Variants in UBR2 observed in about 807,000 individuals in gnomAD.
UBR2 encodes ubiquitin protein ligase E3 component n-recognin 2.
Under a neutral mutation model 247.9 loss-of-function variants are expected in UBR2, and 92 were observed. The observed-to-expected ratio is 0.37, with a 90% CI of 0.31 to 0.44. The LOEUF (loss-of-function observed/expected upper bound fraction) is 0.44, where lower values mean the gene tolerates loss of function less well. Ranked by LOEUF, UBR2 falls within the 20% of genes least tolerant of loss-of-function variation. The pLI, the probability that UBR2 is intolerant of heterozygous loss-of-function variation, is 1.00. For missense variants in UBR2, 1,613 were observed against 2,112.6 expected (o/e 0.76, Z 4.64); for synonymous variants, 672 against 693.5 (o/e 0.97, Z 0.49).
In UBR2 at chr6:42,631,437, G is replaced by A. The variant is rs370369229; in HGVS notation, c.1282-1115G>A. ...TGTAGGTAGAAAGAGAAATTGTTGA[G>A]CCTCTTTGTGGAAACAATTTGGTGA... On this transcript the variant is annotated intron_variant, in intron 11 of 46. Transcript: ENST00000372901. Among the ~76,000 whole-genome samples, 9 of 152,266 alleles carry A rather than the reference G, an allele frequency of 5.9e-5. No individual in the cohort carries two copies. The East Asian group carries it at 1.5e-3, about 26-fold the overall frequency.
intron 42 of UBR2, 81 bp from the exon 43 acceptor site, chr6:42,682,974 T>C: frequency 8.6e-7 from 1 of 1,165,080 alleles, no homozygotes; most frequent in South Asian, 1.4e-5. Context: ...ATTTTCCTCT[T>C]ATTGGCTATG....
intron 30 of UBR2, among the ~76,000 whole-genome samples, chr6:42,660,920 T>C (rs1000332504): frequency 6.6e-6 from 1 of 151,538 alleles, no homozygotes; most frequent in African/African-American, 2.4e-5. Context: ...TGAGCCGAGA[T>C]TGCACCACTG....
intron 30 of UBR2, among the ~76,000 whole-genome samples, chr6:42,661,813 A>G (rs1387138878): frequency 1.3e-5 from 2 of 152,204 alleles, no homozygotes; most frequent in African/African-American, 2.4e-5. Context: ...CTGAACGCAC[A>G]TAAGGCAGCC....
In UBR2 at chr6:42,684,992, T is replaced by C. The variant is rs1799294872; in HGVS notation, c.4853+121T>C. ...GAGAAATCATATCTGTAGTCCTTTA[T>C]GAGAGGAGAGGGAGAAAAAAGGAAA... On this transcript the variant is annotated intron_variant, in intron 44 of 46. Coordinates refer to ENST00000372901, the MANE Select transcript of UBR2 (RefSeq NM_001363705.2). 3.9e-6 allele frequency: 3 copies of C among 769,290 alleles called. No homozygotes were observed. In the East Asian group the frequency reaches 9.3e-5, roughly 24 times the overall value. 47.7% of individuals were successfully genotyped at this position (769,290 alleles called of 1,614,324 possible).
At chr6:42,655,459 A>AG (rs1485830371) in intron 25 of UBR2, among the ~76,000 whole-genome samples, 162 bp from the exon 26 acceptor site, 1 of 151,952 alleles carries the variant, frequency 6.6e-6, no homozygotes, top group Non-Finnish European at 1.5e-5. Context: ...TCTCAAAAAA[A>AG]AAAAAAAGAA....
rs1794140230 is a variant in UBR2, at chr6:42,612,310, A to T, written c.985+19A>T. ...TATTCAGGTAGGTTCATAAAAGTTC[A>T]TGCCAATTGTCTATTAAAAATGAGC... On this transcript the variant is annotated intron_variant, in intron 8 of 46. Coordinates refer to ENST00000372901, the MANE Select transcript of UBR2 (RefSeq NM_001363705.2). The T allele has an allele frequency of 6.7e-7, 1 of 1,488,048 alleles. No individual in the cohort carries two copies. The highest frequency in any genetic ancestry group is 9.1e-7 in the Non-Finnish European group (1 of 1,096,884). The allele number at this position is 1,488,048 out of a possible 1,614,324, so 92.2% of individuals were successfully genotyped here.
At chr6:42,578,840 G>A (rs1301868839) in intron 2 of UBR2, among the ~76,000 whole-genome samples, 1 of 152,116 alleles carries the variant, frequency 6.6e-6, no homozygotes, top group African/African-American at 2.4e-5. Context: ...GTTCATGCCT[G>A]TAATCCCAGC....
chr6:42,682,777 A>G (rs1348758799), intron 42 of UBR2, among the ~76,000 whole-genome samples: 1 of 152,232 alleles, frequency 6.6e-6, no homozygotes, highest in Non-Finnish European at 1.5e-5. Flanking sequence ...GCATTAATAC[A>G]AATTAATATA....
At position 42,659,552 on chromosome 6, in the gene UBR2, CA is replaced by C; in HGVS notation, c.3243-103del. On this transcript the variant is annotated intron_variant, in intron 29 of 46. Transcript: ENST00000372901. This position sits in a 1 kb window ranked among gnomAD's most constrained non-coding sequence, Gnocchi z 4.3. ...ACACACACACACACACACACACACACACACACACACTACACACACACACACA... is the reference window on the plus strand; with the variant it reads ...ACACACACACACACACACACACACACCACACACACTACACACACACACACA... 1 of 793,074 alleles carries C rather than the reference CA, an allele frequency of 1.3e-6. No individual in the cohort carries two copies. 49.1% of individuals were successfully genotyped at this position (793,074 alleles called of 1,614,324 possible). A position where few individuals can be genotyped will look rare whatever the true frequency, so the allele number is the denominator to read the frequency against.
At chr6:42,676,910 A>G in intron 40 of UBR2, 37 bp downstream of exon 40, 2 of 1,469,022 alleles carry the variant, frequency 1.4e-6, no homozygotes, top group Non-Finnish European at 1.9e-6. Context: ...ATTTCCCTAA[A>G]TATTGCTAGA....
At chr6:42,628,925 T>C (rs1582584271) in intron 11 of UBR2, among the ~76,000 whole-genome samples, 2 of 152,250 alleles carry the variant, frequency 1.3e-5, no homozygotes, top group East Asian at 3.9e-4. Context: ...ATTTTGAATA[T>C]GCTGTTAAAT....
At chr6:42,688,674 G>A (rs959503434) in intron 45 of UBR2, among the ~76,000 whole-genome samples, 1 of 152,142 alleles carries the variant, frequency 6.6e-6, no homozygotes, top group African/African-American at 2.4e-5. Context: ...CTGATTTTCT[G>A]AACAAATCCA....
At chr6:42,682,956 A>G (rs1488682565) in intron 42 of UBR2, 99 bp from the exon 43 acceptor site, 4 of 977,784 alleles carry the variant, frequency 4.1e-6, no homozygotes, top group Non-Finnish European at 6.2e-6. Context: ...TGTTAGGTCA[A>G]GAATATTATT....
chr6:42,689,694 T>A lies in UBR2; in HGVS notation c.5126+24T>A, dbSNP rs745596660. On this transcript the variant is annotated intron_variant, in intron 46 of 46. Coordinates refer to ENST00000372901, the MANE Select transcript of UBR2 (RefSeq NM_001363705.2). This position sits in a 1 kb window ranked among gnomAD's most constrained non-coding sequence, Gnocchi z 4.0. The stretch of plus-strand genomic sequence containing the variant: ...AGGTAAGAACCCATCCTGAGTTAGC[T>A]AACTCAGGGCCTGCAGCGCCCTTCC... The A allele has an allele frequency of 1.2e-6, 2 of 1,603,878 alleles. No individual in the cohort carries two copies. Among genetic ancestry groups the A allele is most frequent in the Non-Finnish European group, 1.7e-6 (2 of 1,170,840 alleles).
chr6:42,583,356 T>C (rs1474073201), intron 2 of UBR2, among the ~76,000 whole-genome samples: 2 of 152,074 alleles, frequency 1.3e-5, no homozygotes, highest in Non-Finnish European at 2.9e-5. Context: ...CAAGCGATTC[T>C]CTTCCCTCAG....
At chr6:42,567,851 CATTAGCTATACCCT>C (rs1790875483) in intron 1 of UBR2, among the ~76,000 whole-genome samples, 2 of 151,754 alleles carry the variant, frequency 1.3e-5, no homozygotes. Context: ...GCCTGGGCAA[CATTAGCTATACCCT>C]GTCTCTACTA....
rs1291669284 is a variant in UBR2, at chr6:42,641,169, TTAAAA to T, written c.1921-408_1921-404del. On this transcript the variant is annotated intron_variant, in intron 16 of 46. Coordinates refer to ENST00000372901, the MANE Select transcript of UBR2 (RefSeq NM_001363705.2). ...ATCACACAAACATATCTTAAAATAA[TTAAAA>T]TAAATAAGGCCAGGCACAGTGGCCC... Among the ~76,000 whole-genome samples, 3 of 152,072 alleles carry T rather than the reference TTAAAA, an allele frequency of 2.0e-5. 1 individual carries two copies. The highest frequency in any genetic ancestry group is 4.8e-5 in the African/African-American group (2 of 41,406).
chr6:42,642,961 TC>T (rs977246007), intron 18 of UBR2, among the ~76,000 whole-genome samples: 1 of 152,204 alleles, frequency 6.6e-6, no homozygotes, highest in African/African-American at 2.4e-5. Flanking sequence ...TTTCTTTTGC[TC>T]CCTAAGTTAC....
Position 42,641,634 on chromosome 6 carries a change from T to C in UBR2, c.1973T>C (p.Leu658Pro), listed in dbSNP as rs534407503. ...GAACACCCTCTTAGATGTCTTGTTC[T>C]GTGTGCCCAAGTACATGCCGGAATG... ...LIEHPLRCLV[L>P]CAQVHAGMWR... Residue 658 changes from leucine to proline, a missense_variant, in exon 17 of 47, where the codon CTG becomes CCG. Physicochemically the swap from Leu to Pro is moderately conservative, Grantham distance 98. Coordinates refer to ENST00000372901, the MANE Select transcript of UBR2 (RefSeq NM_001363705.2). 1 of 1,608,274 alleles carries C rather than the reference T, an allele frequency of 6.2e-7. No individual in the cohort carries two copies. The highest frequency in any genetic ancestry group is 1.3e-5 in the African/African-American group (1 of 74,492).
Sources: allele counts gnomAD v4.1 joint callset (sites outside exome capture counted in the v4.1 genomes callset), GRCh38; gene constraint gnomAD v4.1.1; non-coding constraint Gnocchi (gnomAD v3.1); transcripts MANE v1.5; gene names NCBI Gene and HGNC (gene_info 2026-07-23, HGNC 2026-07-21).